CARMIL3: variants seen among roughly 807,000 people sequenced by gnomAD.
The protein encoded by CARMIL3 is capping protein, Arp2/3 and myosin-I linker protein 3.
Under a neutral mutation model 180.8 loss-of-function variants are expected in CARMIL3, and 88 were observed. That is an observed-to-expected ratio of 0.49 (90% CI 0.41 to 0.58). CARMIL3 has a LOEUF of 0.58. Ranked by LOEUF, CARMIL3 falls within the 20% of genes least tolerant of loss-of-function variation. CARMIL3 has a pLI of 0.00. For missense variants in CARMIL3, 1,548 were observed against 1,787.0 expected (o/e 0.87, Z 2.41); for synonymous variants, 696 against 714.5 (o/e 0.97, Z 0.41).
chr14:24,059,749 C>T lies in CARMIL3; in HGVS notation c.1868+17C>T. ...CCTGGAGAGGTGAGTAGACCATGGT[C>T]CTGCCCTGATCCAAGTCCCCAGCCT... On this transcript the variant is annotated intron_variant, in intron 22 of 39. Transcript: ENST00000342740. The surrounding 1 kb of genome is among the most constrained non-coding windows in gnomAD (Gnocchi z 6.3). The T allele has an allele frequency of 6.2e-7, 1 of 1,613,288 alleles. No individual in the cohort carries two copies. The highest frequency in any genetic ancestry group is 8.5e-7 in the Non-Finnish European group (1 of 1,179,444).
chr14:24,054,612 T>A lies in CARMIL3; in HGVS notation c.363-99T>A. On this transcript the variant is annotated intron_variant, in intron 5 of 39. Coordinates refer to ENST00000342740, the MANE Select transcript of CARMIL3 (RefSeq NM_138360.4). The surrounding 1 kb of genome is among the most constrained non-coding windows in gnomAD (Gnocchi z 5.1). ...AGGGCTGAGAAGGAGAGCTCTCATG[T>A]CCCCACTCCTGGTTTTTCCTGGGAT... The A allele has an allele frequency of 6.7e-7, 1 of 1,489,346 alleles. No individual in the cohort carries two copies. Among genetic ancestry groups the A allele is most frequent in the Non-Finnish European group, 9.2e-7 (1 of 1,086,178 alleles). 92.3% of individuals were successfully genotyped at this position (1,489,346 alleles called of 1,614,324 possible). A position where few individuals can be genotyped will look rare whatever the true frequency, so the allele number is the denominator to read the frequency against.
intron 34 of CARMIL3, 29 bp from the exon 35 acceptor site, chr14:24,066,369 T>C: frequency 6.2e-7 from 1 of 1,610,930 alleles, no homozygotes; most frequent in Non-Finnish European, 8.5e-7. Flanking sequence ...GAGGAGACTT[T>C]CTTACAACCT....
chr14:24,069,487 C>T lies in CARMIL3; in HGVS notation c.*83C>T, dbSNP rs2035840234. 6.4e-7 allele frequency: 1 copy of T among 1,559,672 alleles called. No homozygotes were observed. Among genetic ancestry groups the T allele is most frequent in the African/African-American group, 1.4e-5 (1 of 73,684 alleles). ...CTATCCACCCCCAGTCCCCAGGGCCCCCTGCCAGCCCCTGTCCTACAGGGG... is the reference window on the plus strand; with the variant it reads ...CTATCCACCCCCAGTCCCCAGGGCCTCCTGCCAGCCCCTGTCCTACAGGGG... On this transcript the variant is annotated 3_prime_UTR_variant, in exon 40 of 40. Transcript: ENST00000342740.
In CARMIL3 at chr14:24,052,144, A is replaced by C; in HGVS notation, c.-10A>C. 1.3e-6 allele frequency: 2 copies of C among 1,576,878 alleles called. No individual in the cohort carries two copies. The highest frequency in any genetic ancestry group is 1.7e-5 in the Admixed American group (1 of 57,806). ...GCTCCTCTGCAGCAGCCTCAGCAGC[A>C]GCGGCCGCCATGGCCAAGCCCAGCG... is the stretch of plus-strand genomic sequence containing the variant. On this transcript the variant is annotated 5_prime_UTR_variant, in exon 1 of 40. Coordinates refer to ENST00000342740, the MANE Select transcript of CARMIL3 (RefSeq NM_138360.4).
At chr14:24,069,268 G>C (rs773929539) in intron 39 of CARMIL3, 21 bp downstream of exon 39, 7 of 1,612,922 alleles carry the variant, frequency 4.3e-6, no homozygotes, top group Admixed American at 1.7e-5. Flanking sequence ...TGAGAGGGCA[G>C]GTCCCCCCTT....
chr14:24,053,772 C>T lies in CARMIL3; in HGVS notation c.104C>T (p.Thr35Ile), dbSNP rs766485705. ...CAACAACATCATGTGAAGTTGGAGACAAAGCCCAAGAAGTTTGAGGACCGA... is the reference window on the plus strand; with the variant it reads ...CAACAACATCATGTGAAGTTGGAGATAAAGCCCAAGAAGTTTGAGGACCGA... The part of the protein sequence containing the change: ...VLQQHHVKLE[T>I]KPKKFEDRVL... The change falls in exon 2 of 40, where the codon ACA becomes ATA. Residue 35 changes from threonine to isoleucine, a missense_variant. This residue lies in a region of CARMIL3 where 578 missense variants were observed against 666.5 expected (regional missense o/e 0.87). Coordinates refer to ENST00000342740, the MANE Select transcript of CARMIL3 (RefSeq NM_138360.4). 1 of 1,613,688 alleles carries T rather than the reference C, an allele frequency of 6.2e-7. No homozygotes were observed.
chr14:24,063,870 C>T (rs886165460), intron 31 of CARMIL3, among the ~76,000 whole-genome samples: 2 of 151,094 alleles, frequency 1.3e-5, no homozygotes, highest in African/African-American at 4.9e-5. Context: ...CTGAGGCGGG[C>T]AGATCACGAG....
rs569959317 is a variant in CARMIL3, at chr14:24,055,085, C to T, written c.480C>T (p.Tyr160=). 30 of 1,613,576 alleles carry T rather than the reference C, an allele frequency of 1.9e-5. No homozygotes were observed. Among genetic ancestry groups the T allele is most frequent in the African/African-American group, 6.7e-5 (5 of 75,032 alleles). Residue 160 remains tyrosine, a synonymous_variant, in exon 7 of 40, where the codon TAC becomes TAT. Transcript: ENST00000342740. ...HSVCGGFSET[Y]AALCDYNGLH... ...CCACAGGTGGCTTCTCTGAGACCTA[C>T]GCTGCTCTGTGTGACTACAATGGGC...
chr14:24,055,169 T>A, intron 7 of CARMIL3, 33 bp downstream of exon 7: 1 of 1,613,906 alleles, frequency 6.2e-7, no homozygotes, highest in Non-Finnish European at 8.5e-7. Context: ...AGGGAACAGG[T>A]GGGACCTGGA....
In CARMIL3 at chr14:24,066,387, T is replaced by G; in HGVS notation, c.3526-11T>G. ...GAGACTTTCTTACAACCTGACCCACTGTTCTTTCAGGGCCCAGGCCCAGAC... is the reference window on the plus strand; with the variant it reads ...GAGACTTTCTTACAACCTGACCCACGGTTCTTTCAGGGCCCAGGCCCAGAC... On this transcript the variant is annotated splice_polypyrimidine_tract_variant and intron_variant, in intron 34 of 39. Transcript: ENST00000342740. The G allele has an allele frequency of 6.2e-7, 1 of 1,613,838 alleles. No homozygotes were observed. Among genetic ancestry groups the G allele is most frequent in the Non-Finnish European group, 8.5e-7 (1 of 1,179,864 alleles).
chr14:24,057,122 C>T, intron 13 of CARMIL3, 45 bp from the exon 14 acceptor site: 1 of 1,604,068 alleles, frequency 6.2e-7, no homozygotes, highest in Non-Finnish European at 8.5e-7. Context: ...GGTGGCGAGA[C>T]TCCATCATCC....
chr14:24,057,017 A>C lies in CARMIL3; in HGVS notation c.1055A>C (p.Glu352Ala). The C allele has an allele frequency of 6.2e-7, 1 of 1,613,188 alleles. No homozygotes were observed. The highest frequency in any genetic ancestry group is 1.3e-5 in the African/African-American group (1 of 75,028). Residue 352 changes from glutamate (E) to alanine (A), a missense_variant, in exon 13 of 40, where the codon GAG becomes GCG. By Grantham distance (107) the Glu-to-Ala change is moderately radical. Coordinates refer to ENST00000342740, the MANE Select transcript of CARMIL3 (RefSeq NM_138360.4). ...SKNPGLLATD[E>A]ANALYSFLAQ... ...AATCCTGGGCTCCTCGCCACGGATGAGGCCAATGTGAGTCCTCAGAACAGC... is the reference window on the plus strand; with the variant it reads ...AATCCTGGGCTCCTCGCCACGGATGCGGCCAATGTGAGTCCTCAGAACAGC...
rs959429486 is a variant in CARMIL3 at position 24,062,518 on chromosome 14, C to A, written c.2519C>A (p.Ser840Tyr). 1 of 1,614,194 alleles carries A rather than the reference C, an allele frequency of 6.2e-7. No homozygotes were observed. Among genetic ancestry groups the A allele is most frequent in the Non-Finnish European group, 8.5e-7 (1 of 1,180,036 alleles). Residue 840 changes from serine (S) to tyrosine (Y), a missense_variant, in exon 28 of 40, where the codon TCC becomes TAC. Ser to Tyr is a moderately radical substitution (Grantham distance 144). Coordinates refer to ENST00000342740, the MANE Select transcript of CARMIL3 (RefSeq NM_138360.4). ...TCAGTCGTCACCTACCTAACCAGCTCCATAGTGGATGAGATCCTGCAAGAG... is the reference window on the plus strand; with the variant it reads ...TCAGTCGTCACCTACCTAACCAGCTACATAGTGGATGAGATCCTGCAAGAG... ...KLSVVTYLTS[S>Y]IVDEILQELY...
At chr14:24,052,667 G>A (rs1049651536) in intron 1 of CARMIL3, among the ~76,000 whole-genome samples, 1 of 152,234 alleles carries the variant, frequency 6.6e-6, no homozygotes, top group African/African-American at 2.4e-5. Context: ...TTAGGAGCTG[G>A]GCAGCGCCCA....
chr14:24,068,652 A>G lies in CARMIL3; in HGVS notation c.3751A>G (p.Lys1251Glu), dbSNP rs746246804. The G allele has an allele frequency of 3.0e-5, 48 of 1,613,654 alleles. 1 individual carries two copies. In the Middle Eastern group the frequency reaches 6.6e-4, roughly 22 times the overall value. ...SPASQDGEEE[K>E]EGTLFPERTL... ...AGCCTCCCAAGATGGGGAAGAGGAG[A>G]AGGAGGGGACCCTCTTCCCAGAGAG... Residue 1251 changes from lysine (K) to glutamate (E), a missense_variant, in exon 37 of 40, where the codon AAG (lysine) becomes GAG (glutamate). By Grantham distance (56) the Lys-to-Glu change is moderately conservative (BLOSUM62 1). Around this residue, in one of 4 missense-constraint regions of CARMIL3, gnomAD observed 668 missense variants for 687.8 expected, o/e 0.97. Transcript: ENST00000342740.
chr14:24,064,420 C>G lies in CARMIL3; in HGVS notation c.3080+74C>G. The G allele has an allele frequency of 2.8e-6, 3 of 1,087,728 alleles. No individual in the cohort carries two copies. The South Asian group carries it at 4.0e-5, about 15-fold the overall frequency. 67.4% of individuals were successfully genotyped at this position (1,087,728 alleles called of 1,614,324 possible). A position where few individuals can be genotyped will look rare whatever the true frequency, so the allele number is the denominator to read the frequency against. ...GAAGGGCTGCTGTGTCCTCCCAGCT[C>G]CCATGGGAGTCTCCATAACAGCAGT... On this transcript the variant is annotated intron_variant, in intron 32 of 39. Transcript: ENST00000342740.
rs2035752632 is a variant in CARMIL3, at chr14:24,063,393, C to G, written c.2839C>G (p.Leu947Val). The G allele has an allele frequency of 2.5e-6, 4 of 1,613,356 alleles. No individual in the cohort carries two copies. Among genetic ancestry groups the G allele is most frequent in the Admixed American group, 3.3e-5 (2 of 59,944 alleles). Residue 947 changes from leucine to valine, a missense_variant, in exon 31 of 40, where the codon CTT becomes GTT. Physicochemically the swap from Leu to Val is conservative, Grantham distance 32. Coordinates refer to ENST00000342740, the MANE Select transcript of CARMIL3 (RefSeq NM_138360.4). The stretch of plus-strand genomic sequence containing the variant: ...GATCCCCCCTGGCTGGTTCTCAGGA[C>G]TTGGGGGCAGCCAGCCCACAGCTAG... ...LGIPPGWFSG[L>V]GGSQPTASGS...
chr14:24,062,649 T>A, intron 28 of CARMIL3, 60 bp from the exon 29 acceptor site: 1 of 1,612,848 alleles, frequency 6.2e-7, no homozygotes, highest in Admixed American at 1.7e-5. Context: ...ACCCTCCCCT[T>A]CAAGGCCCTG....
intron 29 of CARMIL3, 70 bp from the exon 30 acceptor site, chr14:24,063,046 CAAAT>C: frequency 6.3e-7 from 1 of 1,583,008 alleles, no homozygotes; most frequent in South Asian, 1.1e-5. Context: ...AGGATGGGCT[CAAAT>C]AAGGTTTCAT....
Sources: allele counts gnomAD v4.1 joint callset (sites outside exome capture counted in the v4.1 genomes callset), GRCh38; gene constraint gnomAD v4.1.1; regional missense constraint gnomAD v4.1.1; non-coding constraint Gnocchi (gnomAD v3.1); transcripts MANE v1.5; gene names NCBI Gene and HGNC (gene_info 2026-07-23, HGNC 2026-07-21).